Variants in NEDD4L observed in about 807,000 individuals in gnomAD.
The protein encoded by NEDD4L is E3 ubiquitin-protein ligase NEDD4-like.
A neutral mutation model predicts 148.9 loss-of-function variants in NEDD4L; 54 were observed. The ratio of observed to expected loss-of-function variants is 0.36; its 90% CI spans 0.29 to 0.45. The LOEUF (loss-of-function observed/expected upper bound fraction) is 0.45. Ranked by LOEUF, NEDD4L falls within the 20% of genes least tolerant of loss-of-function variation. The pLI is 1.00. For synonymous variants in NEDD4L, 433 were observed against 440.7 expected, an observed-to-expected ratio of 0.98 and a Z score of 0.22; for missense variants, 856 against 1,233.8, an observed-to-expected ratio of 0.69 and a Z score of 4.59.
intron 18 of NEDD4L, among the ~76,000 whole-genome samples, chr18:58,352,387 G>C (rs571657059): frequency 6.6e-6 from 1 of 152,138 alleles, no homozygotes; most frequent in Non-Finnish European, 1.5e-5. Context: ...TGGTGCAGTG[G>C]CTCACACCTG....
intron 4 of NEDD4L, among the ~76,000 whole-genome samples, chr18:58,251,306 G>A (rs2047904348): frequency 6.6e-6 from 1 of 152,186 alleles, no homozygotes; most frequent in East Asian, 1.9e-4. Context: ...CATGCAGATA[G>A]CTTGAGCCCA....
intron 1 of NEDD4L, among the ~76,000 whole-genome samples, chr18:58,106,254 GT>G (rs1423079526): frequency 6.6e-6 from 1 of 152,260 alleles, no homozygotes; most frequent in Non-Finnish European, 1.5e-5. Context: ...TTCACTTTGG[GT>G]TGTGGAAGTT....
At chr18:58,353,218 C>T (rs1213383319) in intron 18 of NEDD4L, among the ~76,000 whole-genome samples, 1 of 152,206 alleles carries the variant, frequency 6.6e-6, no homozygotes, top group Non-Finnish European at 1.5e-5. Context: ...GATGCCTGGG[C>T]TTTTCCTTAC....
At chr18:58,264,058 A>G (rs1389204552) in intron 5 of NEDD4L, among the ~76,000 whole-genome samples, 1 of 152,146 alleles carries the variant, frequency 6.6e-6, no homozygotes. Context: ...CCACTTGAAT[A>G]AAAGAGATAT....
chr18:58,212,878 C>T (rs1192106389), intron 2 of NEDD4L, among the ~76,000 whole-genome samples: 1 of 152,138 alleles, frequency 6.6e-6, no homozygotes, highest in Non-Finnish European at 1.5e-5. Context: ...TAACAAAAAA[C>T]TTACAAATTG....
chr18:58,307,425 C>T (rs1306542272), intron 5 of NEDD4L, among the ~76,000 whole-genome samples: 8 of 152,162 alleles, frequency 5.3e-5, no homozygotes, highest in Non-Finnish European at 8.8e-5. Flanking sequence ...AAGGACCCCT[C>T]TTAAGCTGAA....
intron 1 of NEDD4L, among the ~76,000 whole-genome samples, chr18:58,055,819 A>C (rs1055501922): frequency 6.6e-6 from 1 of 152,184 alleles, no homozygotes; most frequent in Non-Finnish European, 1.5e-5. Context: ...AGTAATTTAC[A>C]TTGCTAGTAG....
At chr18:58,049,190 T>C (rs2081740032) in intron 1 of NEDD4L, among the ~76,000 whole-genome samples, 1 of 152,160 alleles carries the variant, frequency 6.6e-6, no homozygotes, top group Non-Finnish European at 1.5e-5. Context: ...AGTCAACGAG[T>C]AGTCAGATTT....
At chr18:58,114,626 G>A (rs901731336) in intron 1 of NEDD4L, among the ~76,000 whole-genome samples, 4 of 152,120 alleles carry the variant, frequency 2.6e-5, no homozygotes, top group African/African-American at 7.3e-5. Context: ...AGGCAGGACC[G>A]CAGAGCGGTG....
chr18:58,230,709 T>A (rs1348527282), intron 2 of NEDD4L, among the ~76,000 whole-genome samples: 2 of 152,152 alleles, frequency 1.3e-5, no homozygotes, highest in Non-Finnish European at 2.9e-5. Flanking sequence ...TTGTCAGGTA[T>A]GAGGTAAACA....
At chr18:58,252,161 G>T in intron 5 of NEDD4L, 107 bp downstream of exon 5, 1 of 746,304 alleles carries the variant, frequency 1.3e-6, no homozygotes. Flanking sequence ...GACAGTATAT[G>T]TGCCCAAAAA....
chr18:58,289,626 GCA>G (rs1390688111), intron 5 of NEDD4L, among the ~76,000 whole-genome samples: 1 of 152,192 alleles, frequency 6.6e-6, no homozygotes, highest in East Asian at 1.9e-4. Context: ...CACAGTAGCT[GCA>G]GAGGGTGAGA....
intron 5 of NEDD4L, among the ~76,000 whole-genome samples, chr18:58,268,689 A>T (rs1451833600): frequency 1.3e-5 from 2 of 152,020 alleles, no homozygotes; most frequent in Non-Finnish European, 2.9e-5. Context: ...AGCTACTGAA[A>T]ATTTTCTTTA....
intron 29 of NEDD4L, among the ~76,000 whole-genome samples, chr18:58,390,975 G>C (rs2049750805): frequency 1.3e-5 from 2 of 151,862 alleles, no homozygotes; most frequent in Admixed American, 6.6e-5. Context: ...AGGTCCATAA[G>C]GCTGCTCTTT....
intron 1 of NEDD4L, among the ~76,000 whole-genome samples, chr18:58,064,488 A>G (rs1299993130): frequency 6.6e-6 from 1 of 152,170 alleles, no homozygotes; most frequent in Non-Finnish European, 1.5e-5. Context: ...CTGCTAGGGT[A>G]AGTTTTCCTT....
At chr18:58,332,403 T>A (rs2041109847) in intron 11 of NEDD4L, among the ~76,000 whole-genome samples, 2 of 152,146 alleles carry the variant, frequency 1.3e-5, no homozygotes, top group Admixed American at 1.3e-4. Context: ...ATCCCAGCAC[T>A]TTGAGAGGCT....
chr18:58,074,681 C>T (rs1211778018), intron 1 of NEDD4L, among the ~76,000 whole-genome samples: 1 of 151,758 alleles, frequency 6.6e-6, no homozygotes, highest in Non-Finnish European at 1.5e-5. Flanking sequence ...GCTTGAGACA[C>T]TAAAAATGAG....
At chr18:58,346,688 A>T (rs1285194072) in intron 16 of NEDD4L, among the ~76,000 whole-genome samples, 1 of 152,244 alleles carries the variant, frequency 6.6e-6, no homozygotes, top group Non-Finnish European at 1.5e-5. Flanking sequence ...TCCTGTTTAA[A>T]AACACTTTGA....
chr18:58,365,912 C>T, intron 20 of NEDD4L, 87 bp from the exon 21 acceptor site: 1 of 951,592 alleles, frequency 1.1e-6, no homozygotes, highest in Non-Finnish European at 1.5e-6. Flanking sequence ...GGACTGCCAA[C>T]TTTTCTACCA....
Sources: gnomAD v4.1 joint callset for allele counts (sites outside exome capture counted in the v4.1 genomes callset) on GRCh38, gnomAD v4.1.1 for gene constraint, MANE v1.5 for transcripts, NCBI Gene and HGNC (gene_info 2026-07-23, HGNC 2026-07-21) for gene names.